The following CRTAM variants were observed in gnomAD, a reference collection of about 807,000 sequenced individuals.
CRTAM encodes cytotoxic and regulatory T-cell molecule.
Under a neutral mutation model 50.0 loss-of-function variants are expected in CRTAM, and 44 were observed. The ratio of observed to expected loss-of-function variants is 0.88; its 90% CI spans 0.69 to 1.13. The LOEUF is 1.13. Among genes scored for constraint, CRTAM ranks in the 50% most tolerant of loss-of-function variants. The pLI is 0.00. For synonymous variants in CRTAM, 159 were observed against 169.3 expected (o/e 0.94, Z 0.47); for missense variants, 448 against 457.5 (o/e 0.98, Z 0.19).
At chr11:122,858,657 G>A (rs1862034616) in intron 5 of CRTAM, among the ~76,000 whole-genome samples, 2 of 152,084 alleles carry the variant, frequency 1.3e-5, no homozygotes, top group Non-Finnish European at 2.9e-5. Flanking sequence ...AGTCTCCTGG[G>A]TAGCTGGGAC....
At chr11:122,853,854 AC>A in intron 3 of CRTAM, 88 bp from the exon 4 acceptor site, 1 of 1,276,680 alleles carries the variant, frequency 7.8e-7, no homozygotes, top group Non-Finnish European at 1.1e-6. Flanking sequence ...ATACCCTATA[AC>A]AATCACCTAC....
intron 1 of CRTAM, among the ~76,000 whole-genome samples, chr11:122,849,398 C>A (rs1263261954): frequency 1.3e-5 from 2 of 152,192 alleles, no homozygotes; most frequent in Admixed American, 6.5e-5. Flanking sequence ...GTAAAGTGAG[C>A]ACAATTCTTC....
chr11:122,851,510 C>T (rs1861928820), intron 2 of CRTAM, among the ~76,000 whole-genome samples, 183 bp from the exon 3 acceptor site: 1 of 152,180 alleles, frequency 6.6e-6, no homozygotes, highest in Admixed American at 6.5e-5. Context: ...ATGGCTTGAT[C>T]TAGCTCAGTG....
intron 1 of CRTAM, among the ~76,000 whole-genome samples, chr11:122,845,372 G>A (rs141739450): frequency 1.1e-3 from 168 of 152,148 alleles, no homozygotes; most frequent in Non-Finnish European, 2.1e-4. Context: ...ACAAAGAGTG[G>A]GATAAACAAA....
intron 5 of CRTAM, among the ~76,000 whole-genome samples, chr11:122,860,195 C>A (rs376521085): frequency 6.6e-6 from 1 of 151,952 alleles, no homozygotes; most frequent in East Asian, 1.9e-4. Flanking sequence ...TTATAGGTGC[C>A]CACCACCATG....
Position 122,848,242 on chromosome 11 carries a change from G to A in CRTAM, c.47-1826G>A, listed in dbSNP as rs189831047. On this transcript the variant is annotated intron_variant, in intron 1 of 9. Coordinates refer to ENST00000227348, the MANE Select transcript of CRTAM (RefSeq NM_019604.4). ...TACCTTCTTAATATGGATGTCATGA[G>A]AACACAAAATAGGGACTCAATGGCT... Among the ~76,000 whole-genome samples, 165 of 152,298 alleles carry A rather than the reference G, an allele frequency of 1.1e-3. 1 individual carries two copies. Among genetic ancestry groups the A allele is most frequent in the African/African-American group, 3.6e-3 (151 of 41,570 alleles).
chr11:122,871,277 C>T lies in CRTAM; in HGVS notation c.1060C>T (p.Pro354Ser), dbSNP rs775504413. 1.9e-6 allele frequency: 3 copies of T among 1,611,902 alleles called. No homozygotes were observed. Among genetic ancestry groups the T allele is most frequent in the Admixed American group, 3.3e-5 (2 of 59,850 alleles). The change falls in exon 10 of 10, where the codon CCT becomes TCT. Residue 354 changes from proline to serine, a missense_variant. Coordinates refer to ENST00000227348, the MANE Select transcript of CRTAM (RefSeq NM_019604.4). ...SEEKNGQSSH[P>S]MRCMNYITKL... Reference sequence around the variant, plus strand: ...ACATGTTTTTCTTTCAGCTTCCCACCCTATGCGTTGCATGAACTACATCAC... The same window carrying T: ...ACATGTTTTTCTTTCAGCTTCCCACTCTATGCGTTGCATGAACTACATCAC...
intron 5 of CRTAM, among the ~76,000 whole-genome samples, chr11:122,857,248 C>G (rs1862019141): frequency 6.6e-6 from 1 of 152,188 alleles, no homozygotes; most frequent in African/African-American, 2.4e-5. Context: ...GCGGGCAGAT[C>G]ACCTGAGGTC....
chr11:122,852,574 G>C (rs945410339), intron 3 of CRTAM, among the ~76,000 whole-genome samples: 5 of 152,098 alleles, frequency 3.3e-5, no homozygotes, highest in African/African-American at 7.2e-5. Flanking sequence ...CTGCAGTGTG[G>C]TGCCTGCCAT....
intron 5 of CRTAM, among the ~76,000 whole-genome samples, chr11:122,861,369 C>T (rs2135246822): frequency 7.8e-6 from 1 of 128,990 alleles, no homozygotes; most frequent in Admixed American, 8.8e-5. Flanking sequence ...TATACACACA[C>T]ACACACATAC....
chr11:122,864,229 T>C (rs1862138742), intron 6 of CRTAM, among the ~76,000 whole-genome samples: 1 of 152,162 alleles, frequency 6.6e-6, no homozygotes, highest in African/African-American at 2.4e-5. Context: ...TGATTCAGGA[T>C]GGAAATATGA....
At chr11:122,841,439 C>T (rs897444775) in intron 1 of CRTAM, among the ~76,000 whole-genome samples, 11 of 148,150 alleles carry the variant, frequency 7.4e-5, no homozygotes, top group Non-Finnish European at 1.6e-4. Context: ...CTTGCTCCGT[C>T]GCCCAGGCTG....
At chr11:122,852,453 G>T (rs1043161686) in intron 3 of CRTAM, among the ~76,000 whole-genome samples, 4 of 152,128 alleles carry the variant, frequency 2.6e-5, no homozygotes, top group African/African-American at 9.7e-5. Context: ...TACTTGTTTT[G>T]TTTTTTGTGG....
In CRTAM at chr11:122,863,319, GAA is replaced by G. The variant is rs757331020; in HGVS notation, c.733+779_733+780del. Among the ~76,000 whole-genome samples, 465 of 94,352 alleles carry G rather than the reference GAA, an allele frequency of 4.9e-3. 4 individuals are homozygous for G. The highest frequency in any genetic ancestry group is 4.1e-3 in the Non-Finnish European group (191 of 46,640). The allele number at this position is 94,352 out of a possible 152,430, so 61.9% of individuals were successfully genotyped here. ...GAAAGAGAGAAAGAAAAGAAAGAAA[GAA>G]AAAGAAAGAAAGAAAGAAAGAAAGA... On this transcript the variant is annotated intron_variant, in intron 6 of 9. Coordinates refer to ENST00000227348, the MANE Select transcript of CRTAM (RefSeq NM_019604.4).
intron 7 of CRTAM, among the ~76,000 whole-genome samples, chr11:122,866,383 A>G (rs978205230): frequency 1.3e-5 from 2 of 152,242 alleles, no homozygotes; most frequent in Admixed American, 1.3e-4. Flanking sequence ...ATAAATACAT[A>G]TGGATCCAGA....
At chr11:122,862,409 A>G (rs747275256) in intron 5 of CRTAM, 55 bp from the exon 6 acceptor site, 19 of 1,073,664 alleles carry the variant, frequency 1.8e-5, no homozygotes, top group African/African-American at 9.3e-5. Context: ...ACTGAGCACA[A>G]TGTGGGTAAA....
At position 122,871,371 on chromosome 11, in the gene CRTAM, A is replaced by G; in HGVS notation, c.1154A>G (p.His385Arg). Reference protein sequence around the residue: ...NVQHSKLEEKHIQVPESIV With the variant: ...NVQHSKLEEKRIQVPESIV ...CAACATTCAAAATTAGAAGAAAAGCACATCCAAGTACCAGAGAGTATTGTG... is the reference window on the plus strand; with the variant it reads ...CAACATTCAAAATTAGAAGAAAAGCGCATCCAAGTACCAGAGAGTATTGTG... Residue 385 changes from histidine (H) to arginine (R), a missense_variant, in exon 10 of 10, where the codon CAC becomes CGC. Coordinates refer to ENST00000227348, the MANE Select transcript of CRTAM (RefSeq NM_019604.4). The G allele has an allele frequency of 6.2e-7, 1 of 1,613,918 alleles. No individual in the cohort carries two copies. The highest frequency in any genetic ancestry group is 1.1e-5 in the South Asian group (1 of 91,050).
At chr11:122,850,304 T>C in intron 2 of CRTAM, 90 bp downstream of exon 2, 2 of 1,355,658 alleles carry the variant, frequency 1.5e-6, no homozygotes, top group Admixed American at 4.3e-5. Context: ...AAAGCCTGCA[T>C]GAGTCACCCA....
rs115204799 is a variant in CRTAM at position 122,864,794 on chromosome 11, G to A, written c.817+75G>A. The A allele has an allele frequency of 5.5e-3, 5,901 of 1,074,598 alleles. 240 individuals carry two copies. The African/African-American group carries it at 0.082, about 15-fold the overall frequency. 66.6% of individuals were successfully genotyped at this position (1,074,598 alleles called of 1,614,324 possible). On this transcript the variant is annotated intron_variant, in intron 7 of 9. Transcript: ENST00000227348. ...TTAATCGATAAATTCAATGGCCTTT[G>A]TCAGTCCTCCCTTTTCTTGACCTTT...
Sources: gnomAD v4.1 joint callset for allele counts (sites outside exome capture counted in the v4.1 genomes callset) on GRCh38, gnomAD v4.1.1 for gene constraint, MANE v1.5 for transcripts, NCBI Gene and HGNC (gene_info 2026-07-23, HGNC 2026-07-21) for gene names.